ATP10B: variants seen among roughly 807,000 people sequenced by gnomAD.
ATP10B encodes phospholipid-transporting ATPase VB.
A neutral mutation model predicts 141.2 loss-of-function variants in ATP10B; 122 were observed. The ratio of observed to expected loss-of-function variants is 0.86; its 90% CI spans 0.75 to 1.00. ATP10B has a LOEUF of 1.00. ATP10B is among the 50% of genes least tolerant of loss of function. The pLI is 0.00. For synonymous variants in ATP10B, 685 were observed against 692.0 expected (o/e 0.99, Z 0.16); for missense variants, 1,876 against 1,825.3 (o/e 1.03, Z -0.51).
chr5:160,565,950 T>G, intron 25 of ATP10B, 50 bp from the exon 26 acceptor site: 6 of 1,505,430 alleles, frequency 4.0e-6, no homozygotes, highest in Non-Finnish European at 9.0e-7. Context: ...ACTGACTTCA[T>G]AAACTTCAGC....
intron 2 of ATP10B, among the ~76,000 whole-genome samples, chr5:160,755,643 G>A (rs1162904864): frequency 2.7e-5 from 4 of 148,430 alleles, no homozygotes; most frequent in African/African-American, 9.8e-5. Context: ...GTGAAACCCC[G>A]TCTCTACTAA....
Position 160,602,671 on chromosome 5 carries a change from C to G in ATP10B, c.3269G>C (p.Arg1090Pro), listed in dbSNP as rs769788084. 5 of 1,613,988 alleles carry G rather than the reference C, an allele frequency of 3.1e-6. No homozygotes were observed. Among genetic ancestry groups the G allele is most frequent in the Non-Finnish European group, 4.2e-6 (5 of 1,179,882 alleles). Reference protein sequence around the residue: ...AVMSSDFAITRFKHLKKLLLV... With the variant: ...AVMSSDFAITPFKHLKKLLLV... ...CAGCAACTTCTTGAGATGCTTAAAG[C>G]GGGTGATGGCAAAGTCGCTGGACAT... is the stretch of plus-strand genomic sequence containing the variant. The change falls in exon 21 of 26, where the codon CGC becomes CCC. Residue 1090 changes from arginine to proline, a missense_variant. Arg to Pro is a moderately radical substitution (Grantham distance 103). Transcript: ENST00000327245.
At chr5:160,872,737 C>T in the ATP10B span, among the ~76,000 whole-genome samples, 4 of 152,106 alleles carry the variant, frequency 2.6e-5, no homozygotes, top group Admixed American at 1.3e-4. Context: ...GGCCTATGTG[C>T]CTATTTTTAT....
At position 160,631,990 on chromosome 5, in the gene ATP10B, G is replaced by A. The variant is rs994170930; in HGVS notation, c.1620+139C>T. The A allele has an allele frequency of 2.6e-5, 17 of 660,366 alleles. No homozygotes were observed. The Middle Eastern group carries it at 1.2e-3, about 48-fold the overall frequency. The allele number at this position is 660,366 out of a possible 1,614,324, so 40.9% of individuals were successfully genotyped here. ...TTGTCTATGCCAACAAAACACATGTGTGGAGTATGTACAAAACCAAGGGCA... is the reference window on the plus strand; with the variant it reads ...TTGTCTATGCCAACAAAACACATGTATGGAGTATGTACAAAACCAAGGGCA... On this transcript the variant is annotated intron_variant, in intron 13 of 25. Coordinates refer to ENST00000327245, the MANE Select transcript of ATP10B (RefSeq NM_025153.3).
chr5:160,689,942 C>T (rs1182572472), intron 3 of ATP10B, among the ~76,000 whole-genome samples: 1 of 151,976 alleles, frequency 6.6e-6, no homozygotes, highest in East Asian at 1.9e-4. Flanking sequence ...CATCATGCTA[C>T]CTGACTTCAA....
chr5:160,732,822 A>G (rs1455593500), intron 2 of ATP10B, among the ~76,000 whole-genome samples: 1 of 152,014 alleles, frequency 6.6e-6, no homozygotes, highest in African/African-American at 2.4e-5. Flanking sequence ...TTTTCTTTCT[A>G]TTTCTATGAA....
intron 1 of ATP10B, among the ~76,000 whole-genome samples, chr5:160,803,496 T>C (rs1330070658): frequency 6.6e-6 from 1 of 152,106 alleles, no homozygotes; most frequent in Non-Finnish European, 1.5e-5. Context: ...GCCAACATGG[T>C]GAAACCCCGT....
intron 1 of ATP10B, among the ~76,000 whole-genome samples, chr5:160,842,696 T>A (rs1239284616): frequency 6.6e-6 from 1 of 151,956 alleles, no homozygotes; most frequent in Non-Finnish European, 1.5e-5. Flanking sequence ...TAATAATAAT[T>A]CTTCTAGGAT....
chr5:160,757,599 C>T (rs1222481998), intron 2 of ATP10B, among the ~76,000 whole-genome samples: 2 of 152,150 alleles, frequency 1.3e-5, no homozygotes, highest in African/African-American at 4.8e-5. Flanking sequence ...TTGTTTTTCA[C>T]TTGGGTAGTT....
In ATP10B at chr5:160,689,863, T is replaced by G. The variant is rs575262572; in HGVS notation, c.-204-920A>C. ...CAGAATTTGAAAAAACTACTTTAAA[T>G]TTCATATGTAACCAAAAAAGAGCCC... On this transcript the variant is annotated intron_variant, in intron 3 of 25. Transcript: ENST00000327245. Among the ~76,000 whole-genome samples, 360 of 151,320 alleles carry G rather than the reference T, an allele frequency of 2.4e-3. 1 individual carries two copies. The highest frequency in any genetic ancestry group is 8.5e-3 in the African/African-American group (346 of 40,644).
intron 21 of ATP10B, among the ~76,000 whole-genome samples, chr5:160,600,164 GTAC>G (rs1476047145): frequency 1.3e-5 from 2 of 152,060 alleles, no homozygotes; most frequent in African/African-American, 4.8e-5. Context: ...TGCTATAGTA[GTAC>G]TACGTTATTG....
rs138643207 is a variant in ATP10B at position 160,799,562 on chromosome 5, C to T, written c.-575-13759G>A. Among the ~76,000 whole-genome samples, 99 of 152,188 alleles carry T rather than the reference C, an allele frequency of 6.5e-4. No individual in the cohort carries two copies. The South Asian group carries it at 0.011, about 16-fold the overall frequency. Reference sequence around the variant, plus strand: ...GGTATGAAAAGTGCTTATTTGAGGGCGAGAGAGCATGTTTCTTCTAATTCT... The same window carrying T: ...GGTATGAAAAGTGCTTATTTGAGGGTGAGAGAGCATGTTTCTTCTAATTCT... On this transcript the variant is annotated intron_variant, in intron 1 of 25. Coordinates refer to ENST00000327245, the MANE Select transcript of ATP10B (RefSeq NM_025153.3).
At chr5:160,887,439 C>T in the ATP10B span, among the ~76,000 whole-genome samples, 2 of 152,252 alleles carry the variant, frequency 1.3e-5, no homozygotes, top group African/African-American at 4.8e-5. Context: ...AACACAGGTT[C>T]AGAACCCATG....
intron 2 of ATP10B, among the ~76,000 whole-genome samples, chr5:160,778,617 C>T (rs1292216547): frequency 6.6e-6 from 1 of 152,122 alleles, no homozygotes; most frequent in Non-Finnish European, 1.5e-5. Context: ...GCAAGACAAT[C>T]CACTGTGGTG....
chr5:160,842,654 C>A (rs1381443122), intron 1 of ATP10B, among the ~76,000 whole-genome samples: 1 of 151,732 alleles, frequency 6.6e-6, no homozygotes, highest in Non-Finnish European at 1.5e-5. Context: ...AAGATATGAG[C>A]ACATTTGTAT....
At chr5:160,808,863 G>T (rs967145592) in intron 1 of ATP10B, among the ~76,000 whole-genome samples, 1 of 152,284 alleles carries the variant, frequency 6.6e-6, no homozygotes, top group South Asian at 2.1e-4. Flanking sequence ...CTGGAGGCTC[G>T]AAGTCTGAAA....
intron 24 of ATP10B, among the ~76,000 whole-genome samples, chr5:160,573,696 G>A (rs542188024): frequency 2.0e-5 from 3 of 152,298 alleles, no homozygotes; most frequent in South Asian, 4.1e-4. Flanking sequence ...AGGTGGAACA[G>A]TTTCATTCCA....
chr5:160,802,763 T>C (rs1425908537), intron 1 of ATP10B, among the ~76,000 whole-genome samples: 1 of 152,202 alleles, frequency 6.6e-6, no homozygotes, highest in African/African-American at 2.4e-5. Flanking sequence ...GGCAGCTTGG[T>C]TTCAGACTTG....
intron 2 of ATP10B, among the ~76,000 whole-genome samples, chr5:160,728,850 C>T (rs1766541896): frequency 6.6e-6 from 1 of 152,148 alleles, no homozygotes; most frequent in South Asian, 2.1e-4. Flanking sequence ...GTTTGAGTAA[C>T]AAGCCCCTGG....
Sources: gnomAD v4.1 joint callset for allele counts (sites outside exome capture counted in the v4.1 genomes callset) on GRCh38, gnomAD v4.1.1 for gene constraint, MANE v1.5 for transcripts, NCBI Gene and HGNC (gene_info 2026-07-23, HGNC 2026-07-21) for gene names.